Variants in GRIA3 observed in about 807,000 individuals in gnomAD.
The protein encoded by GRIA3 is glutamate receptor 3.
Under a neutral mutation model 63.0 loss-of-function variants are expected in GRIA3, and 3 were observed. That is an observed-to-expected ratio of 0.05 (90% CI 0.02 to 0.12). The LOEUF (loss-of-function observed/expected upper bound fraction) is 0.12. Ranked by LOEUF, GRIA3 falls within the 10% of genes least tolerant of loss-of-function variation. The probability of loss-of-function intolerance (pLI) is 1.00; values close to 1 mark genes in which losing one functional copy is unlikely to be tolerated. For synonymous variants in GRIA3, 274 were observed against 257.9 expected, an observed-to-expected ratio of 1.06 and a Z score of -0.60; for missense variants, 347 against 700.9, an observed-to-expected ratio of 0.50 and a Z score of 5.70.
intron 2 of GRIA3, among the ~76,000 whole-genome samples, chrX:123,224,625 A>G (rs1426962652): frequency 9.0e-6 from 1 of 111,323 alleles, no homozygotes; most frequent in Non-Finnish European, 1.9e-5. Context: ...TTATCCCATA[A>G]CATTCAAGGT....
At chrX:123,360,853 TCTCA>T (rs1356137719) in intron 5 of GRIA3, among the ~76,000 whole-genome samples, 262 of 26,271 alleles carry the variant, frequency 1.0e-2, no homozygotes, top group African/African-American at 0.022. Context: ...TCTCTCTCTC[TCTCA>T]CACACACACA....
chrX:123,484,579 C>T (rs1301015795), intron 15 of GRIA3, among the ~76,000 whole-genome samples: 1 of 111,961 alleles, frequency 8.9e-6, no homozygotes, highest in Non-Finnish European at 1.9e-5. Flanking sequence ...ATCCCGGGTT[C>T]AAGCGATTCT....
intron 12 of GRIA3, among the ~76,000 whole-genome samples, chrX:123,456,711 G>C (rs1243558086): frequency 9.0e-6 from 1 of 111,728 alleles, no homozygotes; most frequent in Non-Finnish European, 1.9e-5. Flanking sequence ...GCTCTCCAGA[G>C]CTGTGGCATC....
Position 123,463,580 on chromosome X carries a change from G to GGAAGGA in GRIA3, c.2077-1285_2077-1284insGAAGGA, listed in dbSNP as rs1569440736. Reference sequence around the variant, plus strand: ...GAAGGAAGGAAGGAAGGAAGGAAGGGAGGGAGGGAGGGAGGGAGGGAGGGA... The same window carrying GGAAGGA: ...GAAGGAAGGAAGGAAGGAAGGAAGGGGAAGGAAGGGAGGGAGGGAGGGAGGGAGGGA... On this transcript the variant is annotated intron_variant, in intron 12 of 15. Coordinates refer to ENST00000620443, the MANE Select transcript of GRIA3 (RefSeq NM_007325.5). Among the ~76,000 whole-genome samples, 123 of 24,745 alleles carry GGAAGGA rather than the reference G, an allele frequency of 5.0e-3. 13 individuals carry two copies. The highest frequency in any genetic ancestry group is 0.04 in the Middle Eastern group (2 of 50). 21.5% of individuals were successfully genotyped at this position (24,745 alleles called of 115,157 possible).
At chrX:123,443,059 G>A (rs1338189980) in intron 12 of GRIA3, among the ~76,000 whole-genome samples, 1 of 110,987 alleles carries the variant, frequency 9.0e-6, no homozygotes, top group Non-Finnish European at 1.9e-5. Flanking sequence ...GGGACCAGTG[G>A]GAGATAATTG....
chrX:123,452,354 T>TC (rs200603478), intron 12 of GRIA3, among the ~76,000 whole-genome samples: 61 of 91,820 alleles, frequency 6.6e-4, no homozygotes, highest in Non-Finnish European at 1.2e-3. Context: ...AAACTAACAC[T>TC]CCCCCCCCAA....
chrX:123,477,874 T>C (rs1386451243), intron 13 of GRIA3, among the ~76,000 whole-genome samples: 3 of 111,487 alleles, frequency 2.7e-5, no homozygotes, highest in Non-Finnish European at 5.7e-5. Context: ...TTGAAGAACA[T>C]ATTACCGGGA....
rs767924053 is a variant in GRIA3 at position 123,490,185 on chromosome X, C to T, written c.*1475C>T. ...TTCCAGACTGCAAAAACTAGGAGCT[C>T]GCATTCATTTCCCAAGTGTGACCCT... On this transcript the variant is annotated 3_prime_UTR_variant, in exon 16 of 16. Coordinates refer to ENST00000620443, the MANE Select transcript of GRIA3 (RefSeq NM_007325.5). 1 of 112,803 alleles carries T rather than the reference C, an allele frequency of 8.9e-6. No homozygotes were observed. Among genetic ancestry groups the T allele is most frequent in the Admixed American group, 9.4e-5 (1 of 10,660 alleles). The allele number at this position is 112,803 out of a possible 1,213,427, so 9.3% of individuals were successfully genotyped here.
chrX:123,321,385 T>A (rs1482992567), intron 3 of GRIA3, among the ~76,000 whole-genome samples: 2 of 111,968 alleles, frequency 1.8e-5, no homozygotes, highest in Non-Finnish European at 3.8e-5. Context: ...AAAGACCCCG[T>A]CAGAAGTACA....
chrX:123,456,847 G>A (rs1000961496), intron 12 of GRIA3, among the ~76,000 whole-genome samples: 1 of 111,619 alleles, frequency 9.0e-6, no homozygotes, highest in African/African-American at 3.3e-5. Flanking sequence ...GCACACAGGG[G>A]TCCTGTAAGT....
rs780641945 is a variant in GRIA3, at chrX:123,477,876, T to C, written c.2325-2187T>C. ...TGAATGACGTAATTTGAAGAACATA[T>C]TACCGGGAGGGAGGACAGGACCGGG... On this transcript the variant is annotated intron_variant, in intron 13 of 15. Coordinates refer to ENST00000620443, the MANE Select transcript of GRIA3 (RefSeq NM_007325.5). Among the ~76,000 whole-genome samples, 10 of 111,673 alleles carry C rather than the reference T, an allele frequency of 9.0e-5. No homozygotes were observed. In the South Asian group the frequency reaches 2.7e-3, roughly 30 times the overall value.
chrX:123,489,353 A>C lies in GRIA3; in HGVS notation c.*643A>C, dbSNP rs914245441. 8.9e-6 allele frequency: 1 copy of C among 112,632 alleles called. No individual in the cohort carries two copies. Among genetic ancestry groups the C allele is most frequent in the Non-Finnish European group, 1.9e-5 (1 of 53,319 alleles). 9.3% of individuals were successfully genotyped at this position (112,632 alleles called of 1,213,427 possible). A position where few individuals can be genotyped will look rare whatever the true frequency, so the allele number is the denominator to read the frequency against. On this transcript the variant is annotated 3_prime_UTR_variant, in exon 16 of 16. Coordinates refer to ENST00000620443, the MANE Select transcript of GRIA3 (RefSeq NM_007325.5). ...AGAATGTAAATGCAACACTTAAGAA[A>C]ATTCAAACACTTTGGAAAAGGGACT... is the stretch of plus-strand genomic sequence containing the variant.
chrX:123,469,544 A>C (rs992107124), intron 13 of GRIA3, among the ~76,000 whole-genome samples: 3 of 112,223 alleles, frequency 2.7e-5, no homozygotes, highest in African/African-American at 9.7e-5. Flanking sequence ...GGACCTAAAC[A>C]AAACAGACTT....
chrX:123,403,629 C>G (rs1472760584), intron 9 of GRIA3, 110 bp downstream of exon 9: 1 of 580,991 alleles, frequency 1.7e-6, no homozygotes, highest in African/African-American at 2.2e-5. Flanking sequence ...GTAAAAACTT[C>G]CAACAGGGAA....
At chrX:123,271,799 C>G (rs935756746) in intron 3 of GRIA3, among the ~76,000 whole-genome samples, 4 of 112,262 alleles carry the variant, frequency 3.6e-5, no homozygotes, top group Non-Finnish European at 7.5e-5. Flanking sequence ...TTCAACATCG[C>G]ATTCCTAGTA....
At chrX:123,472,270 G>A (rs1018114874) in intron 13 of GRIA3, among the ~76,000 whole-genome samples, 2 of 107,529 alleles carry the variant, frequency 1.9e-5, no homozygotes, top group Non-Finnish European at 3.8e-5. Flanking sequence ...AACTCTCAAT[G>A]CATATTTTGT....
At chrX:123,448,202 A>T (rs1200865676) in intron 12 of GRIA3, among the ~76,000 whole-genome samples, 1 of 112,394 alleles carries the variant, frequency 8.9e-6, no homozygotes, top group Non-Finnish European at 1.9e-5. Context: ...AATTTTACAC[A>T]ATTAGGATAA....
intron 7 of GRIA3, 127 bp downstream of exon 7, chrX:123,398,930 C>A: frequency 1.9e-6 from 1 of 528,370 alleles, no homozygotes. Context: ...TCAGAGTATG[C>A]AAAGAGGATA....
intron 2 of GRIA3, among the ~76,000 whole-genome samples, chrX:123,252,576 G>C (rs1002569143): frequency 9.0e-6 from 1 of 111,661 alleles, no homozygotes; most frequent in African/African-American, 3.3e-5. Flanking sequence ...ATGAAGGAAA[G>C]GTGACAACTG....
Sources: allele counts gnomAD v4.1 joint callset (sites outside exome capture counted in the v4.1 genomes callset), GRCh38; gene constraint gnomAD v4.1.1; transcripts MANE v1.5; gene names NCBI Gene and HGNC (gene_info 2026-07-23, HGNC 2026-07-21).